DNAJB1: variants seen among roughly 807,000 people sequenced by gnomAD.
DNAJB1 encodes DnaJ heat shock protein family (Hsp40) member B1, also known as dnaJ homolog subfamily B member 1.
A neutral mutation model predicts 24.0 loss-of-function variants in DNAJB1; 14 were observed. That is an observed-to-expected ratio of 0.58 (90% confidence interval 0.39 to 0.91). DNAJB1 has a LOEUF of 0.91. Among genes scored for constraint, DNAJB1 ranks in the 40% least tolerant of loss-of-function variants. The probability of loss-of-function intolerance (pLI) is 0.00; values close to 1 mark genes in which losing one functional copy is unlikely to be tolerated. For missense variants in DNAJB1, 517 were observed against 458.1 expected, an observed-to-expected ratio of 1.13 and a Z score of -1.17; for synonymous variants, 262 against 174.4, an observed-to-expected ratio of 1.50 and a Z score of -3.96.
At chr19:14,535,779 GGA>G (rs2072878589) in intron 1 of DNAJB1, among the ~76,000 whole-genome samples, 1 of 114,364 alleles carries the variant, frequency 8.7e-6, no homozygotes, top group Non-Finnish European at 2.0e-5. Context: ...AAAAAAAAAG[GGA>G]AAGTGGTGAG....
At chr19:14,529,742 C>T, upstream of DNAJB1, 6 of 1,613,966 alleles carry the variant, frequency 3.7e-6, no homozygotes, top group Non-Finnish European at 5.1e-6. Context: ...GCCGTGTGGC[C>T]ACTGCTGACC....
chr19:14,534,919 C>G (rs913839431), intron 1 of DNAJB1, among the ~76,000 whole-genome samples: 3 of 152,200 alleles, frequency 2.0e-5, no homozygotes, highest in African/African-American at 7.2e-5. Context: ...TCTGCTGATG[C>G]TGCCCTAGGA....
At chr19:14,521,306 A>G (rs1163877888), upstream of DNAJB1, among the ~76,000 whole-genome samples, 2 of 151,932 alleles carry the variant, frequency 1.3e-5, no homozygotes, top group Non-Finnish European at 2.9e-5. Flanking sequence ...TAAAAATACA[A>G]AAATTAGTCG....
chr19:14,533,654 G>C (rs1189218269), upstream of DNAJB1, among the ~76,000 whole-genome samples: 1 of 152,168 alleles, frequency 6.6e-6, no homozygotes, highest in Admixed American at 6.6e-5. Context: ...CCCAGCAGTA[G>C]TGGAGATCGG....
At chr19:14,547,823 G>A (rs2073355776) in intron 1 of DNAJB1, among the ~76,000 whole-genome samples, 1 of 151,508 alleles carries the variant, frequency 6.6e-6, no homozygotes, top group African/African-American at 2.4e-5. Flanking sequence ...CCTACAGCCG[G>A]CTACTTTTGT....
upstream of DNAJB1, among the ~76,000 whole-genome samples, chr19:14,522,038 C>A (rs1425207332): frequency 2.0e-5 from 3 of 152,102 alleles, no homozygotes; most frequent in African/African-American, 7.2e-5. Flanking sequence ...CCTGAACACT[C>A]ACTGAGAACT....
Position 14,516,815 on chromosome 19 carries a change from C to T in DNAJB1, c.443G>A (p.Arg148His). The T allele has an allele frequency of 6.2e-7, 1 of 1,613,726 alleles. No individual in the cohort carries two copies. Among genetic ancestry groups the T allele is most frequent in the Non-Finnish European group, 8.5e-7 (1 of 1,179,884 alleles). ...GGCGGGCTCTTGGGCAGAGCGGGAG[C>T]GGCCAAAGTTCACGTTGGTGAAGCC... ...MGGFTNVNFG[R>H]SRSAQEPARK... Residue 148 changes from arginine to histidine, a missense_variant, in exon 2 of 3, where the codon CGC becomes CAC. By Grantham distance (29) the Arg-to-His change is conservative. Coordinates refer to ENST00000254322, the MANE Select transcript of DNAJB1 (RefSeq NM_006145.3).
chr19:14,558,186 C>T (rs1049242698), intron 1 of DNAJB1, among the ~76,000 whole-genome samples: 40 of 152,268 alleles, frequency 2.6e-4, no homozygotes, highest in African/African-American at 8.2e-4. Flanking sequence ...TTGCCCAGGG[C>T]CACACAGCCA....
At chr19:14,548,713 G>T (rs2146595384) in intron 1 of DNAJB1, among the ~76,000 whole-genome samples, 1 of 152,228 alleles carries the variant, frequency 6.6e-6, no homozygotes. Context: ...AAGTAGCTGG[G>T]ATTACAGGCA....
chr19:14,515,866 A>G lies in DNAJB1; in HGVS notation c.*74T>C. 6.9e-7 allele frequency: 1 copy of G among 1,453,424 alleles called. No homozygotes were observed. The highest frequency in any genetic ancestry group is 1.2e-5 in the South Asian group (1 of 82,882). The allele number at this position is 1,453,424 out of a possible 1,614,324, so 90.0% of individuals were successfully genotyped here. A position where few individuals can be genotyped will look rare whatever the true frequency, so the allele number is the denominator to read the frequency against. ...GGGCCCTCCCACCCTCTCATGGTCC[A>G]CAACTGGTAGAAAGGTCCAGAAATC... On this transcript the variant is annotated 3_prime_UTR_variant, in exon 3 of 3. Transcript: ENST00000254322.
intron 1 of DNAJB1, 40 bp from the exon 2 acceptor site, chr19:14,517,086 C>T: frequency 3.8e-6 from 6 of 1,558,916 alleles, no homozygotes; most frequent in Non-Finnish European, 5.2e-6. Flanking sequence ...GGCTGAACAG[C>T]AGACTCTCTC....
At position 14,516,103 on chromosome 19, in the gene DNAJB1, T is replaced by A; in HGVS notation, c.860A>T (p.Asp287Val). Residue 287 changes from aspartate to valine, a missense_variant, in exon 3 of 3, where the codon GAT (aspartate) becomes GTT (valine). Physicochemically the swap from Asp to Val is radical, Grantham distance 152. Transcript: ENST00000254322. ...DGRTIPVVFK[D>V]VIRPGMRRKV... Reference sequence around the variant, plus strand: ...TCGCCGCATGCCAGGCCTGATAACATCTTTGAATACGACGGGTATCGTCCT... The same window carrying A: ...TCGCCGCATGCCAGGCCTGATAACAACTTTGAATACGACGGGTATCGTCCT... 6.2e-7 allele frequency: 1 copy of A among 1,613,786 alleles called. No individual in the cohort carries two copies. Among genetic ancestry groups the A allele is most frequent in the Non-Finnish European group, 8.5e-7 (1 of 1,179,950 alleles).
At chr19:14,558,715 C>T (rs949035588) in intron 1 of DNAJB1, among the ~76,000 whole-genome samples, 3 of 152,170 alleles carry the variant, frequency 2.0e-5, no homozygotes, top group East Asian at 3.9e-4. Flanking sequence ...ACACCAGTAG[C>T]CCCCCTCCCA....
At chr19:14,554,298 C>T (rs528267966), upstream of DNAJB1, among the ~76,000 whole-genome samples, 1 of 152,166 alleles carries the variant, frequency 6.6e-6, no homozygotes, top group South Asian at 2.1e-4. Context: ...TCTCACTCAT[C>T]ACCATTAGGC....
intron 2 of DNAJB1, among the ~76,000 whole-genome samples, chr19:14,524,502 G>C (rs1437938497): frequency 6.6e-6 from 1 of 151,672 alleles, no homozygotes; most frequent in Admixed American, 6.6e-5. Context: ...TAGCCTGAGA[G>C]ACAGTGAGAC....
rs2072270272 is a variant in DNAJB1 at position 14,516,733 on chromosome 19, G to A, written c.525C>T (p.Ile175=). 2 of 1,614,002 alleles carry A rather than the reference G, an allele frequency of 1.2e-6. No individual in the cohort carries two copies. Among genetic ancestry groups the A allele is most frequent in the Non-Finnish European group, 1.7e-6 (2 of 1,180,046 alleles). The part of the protein sequence containing the change: ...THDLRVSLEE[I]YSGCTKKMKI... ...TCATCTTCTTGGTACAGCCGCTGTA[G>A]ATCTCTTCAAGGGAGACTCGAAGGT... The change falls in exon 2 of 3, where the codon ATC becomes ATT. Residue 175 remains isoleucine, a synonymous_variant. Transcript: ENST00000254322.
intron 1 of DNAJB1, among the ~76,000 whole-genome samples, chr19:14,542,609 G>A (rs1225256659): frequency 6.6e-6 from 1 of 152,004 alleles, no homozygotes; most frequent in African/African-American, 2.4e-5. Flanking sequence ...TGATCTACAC[G>A]CTTTGGCCTC....
At chr19:14,517,295 A>C (rs1599380585) in intron 1 of DNAJB1, 1 of 493,472 alleles carries the variant, frequency 2.0e-6, no homozygotes, top group South Asian at 2.8e-5. Context: ...TCCAGGTGCC[A>C]CCTAGGCCCT....
At chr19:14,518,616 C>T (rs1463786900), upstream of DNAJB1, among the ~76,000 whole-genome samples, 1 of 152,104 alleles carries the variant, frequency 6.6e-6, no homozygotes, top group Non-Finnish European at 1.5e-5. Context: ...CACCTCCCCG[C>T]GGCGCGCGCG....
Sources: gnomAD v4.1 joint callset for allele counts (sites outside exome capture counted in the v4.1 genomes callset) on GRCh38, gnomAD v4.1.1 for gene constraint, MANE v1.5 for transcripts, NCBI Gene and HGNC (gene_info 2026-07-23, HGNC 2026-07-21) for gene names.